The following PRKN variants were observed in gnomAD, a reference collection of about 807,000 sequenced individuals.
PRKN encodes parkin RBR E3 ubiquitin protein ligase.
PRKN carries 56 observed loss-of-function variants against 59.5 expected under a neutral mutation model. The ratio of observed to expected loss-of-function variants is 0.94; its 90% CI spans 0.76 to 1.18. The LOEUF (loss-of-function observed/expected upper bound fraction) is 1.18, where lower values mean the gene tolerates loss of function less well. Ranked by LOEUF, PRKN falls within the 50% of genes most tolerant of loss-of-function variation. The pLI, the probability that PRKN is intolerant of heterozygous loss-of-function variation, is 0.00. For synonymous variants in PRKN, 250 were observed against 222.1 expected, an observed-to-expected ratio of 1.13 and a Z score of -1.12; for missense variants, 657 against 596.4, an observed-to-expected ratio of 1.10 and a Z score of -1.06.
chr6:161,511,796 T>C (rs1232633549), intron 9 of PRKN, among the ~76,000 whole-genome samples: 1 of 151,070 alleles, frequency 6.6e-6, no homozygotes, highest in African/African-American at 2.4e-5. Flanking sequence ...TACTGCAGAA[T>C]GAAAGTGGCA....
intron 7 of PRKN, among the ~76,000 whole-genome samples, chr6:161,648,091 A>G (rs1784021581): frequency 6.6e-6 from 1 of 152,234 alleles, no homozygotes; most frequent in Non-Finnish European, 1.5e-5. Flanking sequence ...TCTTCCAGCC[A>G]GGGATTATTC....
intron 5 of PRKN, among the ~76,000 whole-genome samples, chr6:161,986,418 C>T (rs1049222907): frequency 1.3e-5 from 2 of 152,188 alleles, no homozygotes; most frequent in Non-Finnish European, 2.9e-5. Flanking sequence ...TCTTCCCTCC[C>T]CAACATCACT....
At chr6:162,116,708 A>G (rs1780690235) in intron 4 of PRKN, among the ~76,000 whole-genome samples, 1 of 152,242 alleles carries the variant, frequency 6.6e-6, no homozygotes, top group Non-Finnish European at 1.5e-5. Flanking sequence ...AGACAGGCAG[A>G]GAATAGGAAA....
Position 161,766,314 on chromosome 6 carries a change from A to ATTTTTTTTTTTTTTTTTTTT in PRKN, c.871+19457_871+19458insAAAAAAAAAAAAAAAAAAAA, listed in dbSNP as rs758294050. Among the ~76,000 whole-genome samples, 13 of 139,640 alleles carry ATTTTTTTTTTTTTTTTTTTT rather than the reference A, an allele frequency of 9.3e-5. 2 individuals are homozygous for ATTTTTTTTTTTTTTTTTTTT. Among genetic ancestry groups the ATTTTTTTTTTTTTTTTTTTT allele is most frequent in the African/African-American group, 3.5e-4 (13 of 37,332 alleles). 91.6% of individuals were successfully genotyped at this position (139,640 alleles called of 152,430 possible). On this transcript the variant is annotated intron_variant, in intron 7 of 11. Transcript: ENST00000366898. ...ACTTATGCCTGCTGTCATTGACCAC[A>ATTTTTTTTTTTTTTTTTTTT]TTTTTTTTTTTTTAGACAGAGTCTC...
intron 7 of PRKN, among the ~76,000 whole-genome samples, chr6:161,640,910 C>T (rs891584571): frequency 1.4e-4 from 22 of 152,222 alleles, no homozygotes; most frequent in African/African-American, 5.3e-4. Flanking sequence ...AAGGGTACGT[C>T]CAGTGATCTT....
At chr6:162,160,848 G>A (rs899527647) in intron 4 of PRKN, among the ~76,000 whole-genome samples, 37 of 126,170 alleles carry the variant, frequency 2.9e-4, no homozygotes, top group African/African-American at 1.1e-3. Context: ...CCTAGATCGC[G>A]CCACTGTACT....
In PRKN at chr6:161,419,189, A is replaced by C. The variant is rs527541393; in HGVS notation, c.1084-32312T>G. ...GAGCTAACGTGCTACACAGAGTTTGATGCTTCTTGTGCGTGATCTCACCTG... is the reference window on the plus strand; with the variant it reads ...GAGCTAACGTGCTACACAGAGTTTGCTGCTTCTTGTGCGTGATCTCACCTG... On this transcript the variant is annotated intron_variant, in intron 9 of 11. Transcript: ENST00000366898. This position sits in a 1 kb window ranked among gnomAD's most constrained non-coding sequence, Gnocchi z 4.1. Among the ~76,000 whole-genome samples the C allele has an allele frequency of 1.4e-4, 22 of 152,298 alleles. No homozygotes were observed. The highest frequency in any genetic ancestry group is 5.3e-4 in the African/African-American group (22 of 41,564).
At chr6:162,578,116 A>G (rs1477798062) in intron 1 of PRKN, among the ~76,000 whole-genome samples, 4 of 152,154 alleles carry the variant, frequency 2.6e-5, no homozygotes, top group African/African-American at 9.7e-5. Flanking sequence ...CAGCAATTCA[A>G]CTCATAGGGG....
intron 5 of PRKN, among the ~76,000 whole-genome samples, chr6:162,047,733 G>A (rs1017613213): frequency 1.3e-5 from 2 of 152,120 alleles, no homozygotes; most frequent in Non-Finnish European, 2.9e-5. Context: ...CATAAAATAC[G>A]GAAATGACTT....
At chr6:162,187,341 C>A (rs1452881223) in intron 4 of PRKN, among the ~76,000 whole-genome samples, 1 of 152,198 alleles carries the variant, frequency 6.6e-6, no homozygotes, top group Admixed American at 6.6e-5. Context: ...GCTTTTCACA[C>A]TTCCTACACT....
At chr6:161,572,329 T>C (rs1159647289) in intron 7 of PRKN, among the ~76,000 whole-genome samples, 1 of 152,108 alleles carries the variant, frequency 6.6e-6, no homozygotes, top group Non-Finnish European at 1.5e-5. Flanking sequence ...GAACAAAATT[T>C]AAACACACGT....
rs917032007 is a variant in PRKN, at chr6:161,379,804, A to G, written c.1167+6990T>C. On this transcript the variant is annotated intron_variant, in intron 10 of 11. Coordinates refer to ENST00000366898, the MANE Select transcript of PRKN (RefSeq NM_004562.3). The surrounding 1 kb of genome is among the most constrained non-coding windows in gnomAD (Gnocchi z 4.9). ...GCCTTCCTTCAAACTGCTTCATGCG[A>G]TTCCCCACAGCATCCTCCAGTACAC... 2.6e-5 allele frequency among the ~76,000 whole-genome samples: 4 copies of G among 152,160 alleles called. No individual in the cohort carries two copies. The highest frequency in any genetic ancestry group is 7.2e-5 in the African/African-American group (3 of 41,440).
chr6:161,453,301 C>T (rs188507006), intron 9 of PRKN, among the ~76,000 whole-genome samples: 247 of 152,278 alleles, frequency 1.6e-3, no homozygotes, highest in Non-Finnish European at 3.2e-3. Flanking sequence ...GCTATAGAAA[C>T]TCCCACAATG....
chr6:162,011,757 A>G (rs1374072302), intron 5 of PRKN, among the ~76,000 whole-genome samples: 1 of 151,148 alleles, frequency 6.6e-6, no homozygotes, highest in African/African-American at 2.4e-5. Context: ...ATATTTTTAA[A>G]TTTTACAAAG....
chr6:162,179,060 T>G (rs1362900113), intron 4 of PRKN, among the ~76,000 whole-genome samples: 1 of 152,068 alleles, frequency 6.6e-6, no homozygotes, highest in Non-Finnish European at 1.5e-5. Context: ...TAAAATTTTT[T>G]TCGTAGAGAC....
At chr6:162,556,344 TGTGTGTGTGTGTGTG>T (rs1562381781) in intron 1 of PRKN, among the ~76,000 whole-genome samples, 5,837 of 87,348 alleles carry the variant, frequency 0.067, 192 homozygotes, top group Non-Finnish European at 0.1. Flanking sequence ...ACTCAGCTGG[TGTGTGTGTGTGTGTG>T]TGTGTGTGTG....
intron 9 of PRKN, among the ~76,000 whole-genome samples, chr6:161,478,254 C>T (rs540814163): frequency 8.6e-4 from 131 of 152,306 alleles, no homozygotes; most frequent in Non-Finnish European, 1.5e-3. Context: ...AGTAGTGTGG[C>T]TCCCACCACT....
At chr6:161,730,240 G>A (rs1439729613) in intron 7 of PRKN, among the ~76,000 whole-genome samples, 1 of 146,614 alleles carries the variant, frequency 6.8e-6, no homozygotes, top group Admixed American at 6.8e-5. Flanking sequence ...TTTCTGATAT[G>A]TTGCAGTCTG....
At position 161,386,917 on chromosome 6, in the gene PRKN, T is replaced by G. The variant is rs758682179; in HGVS notation, c.1084-40A>C. On this transcript the variant is annotated intron_variant, in intron 9 of 11. Coordinates refer to ENST00000366898, the MANE Select transcript of PRKN (RefSeq NM_004562.3). This position sits in a 1 kb window ranked among gnomAD's most constrained non-coding sequence, Gnocchi z 4.3. ...ACATCCATTAATTAGGGACATTAGGTTGCATTTGGCAATAACACATTTTTC... is the reference window on the plus strand; with the variant it reads ...ACATCCATTAATTAGGGACATTAGGGTGCATTTGGCAATAACACATTTTTC... The G allele has an allele frequency of 1.3e-6, 2 of 1,519,786 alleles. No homozygotes were observed. The highest frequency in any genetic ancestry group is 9.1e-7 in the Non-Finnish European group (1 of 1,093,934). 94.1% of individuals were successfully genotyped at this position (1,519,786 alleles called of 1,614,324 possible). A position where few individuals can be genotyped will look rare whatever the true frequency, so the allele number is the denominator to read the frequency against.
Sources: gnomAD v4.1 joint callset for allele counts (sites outside exome capture counted in the v4.1 genomes callset) on GRCh38, gnomAD v4.1.1 for gene constraint, Gnocchi (gnomAD v3.1) non-coding constraint, MANE v1.5 for transcripts, NCBI Gene and HGNC (gene_info 2026-07-23, HGNC 2026-07-21) for gene names.